Variants in KIF16B observed in about 807,000 individuals in gnomAD.
The protein encoded by KIF16B is kinesin-like protein KIF16B.
Under a neutral mutation model 156.3 loss-of-function variants are expected in KIF16B, and 98 were observed. That is an observed-to-expected ratio of 0.63 (90% confidence interval 0.53 to 0.74). The LOEUF is 0.74. Among genes scored for constraint, KIF16B ranks in the 30% least tolerant of loss-of-function variants. The probability of loss-of-function intolerance (pLI) is 0.00; values close to 1 mark genes in which losing one functional copy is unlikely to be tolerated. For missense variants in KIF16B, 1,421 were observed against 1,606.5 expected (o/e 0.88, Z 1.97); for synonymous variants, 564 against 583.7 (o/e 0.97, Z 0.49).
chr20:16,421,638 A>G (rs1362071426), intron 15 of KIF16B, among the ~76,000 whole-genome samples: 1 of 152,184 alleles, frequency 6.6e-6, no homozygotes, highest in African/African-American at 2.4e-5. Context: ...TTGGTCTTAA[A>G]GTATGTGTAA....
At chr20:16,514,593 A>C (rs1251273772) in intron 4 of KIF16B, among the ~76,000 whole-genome samples, 1 of 149,852 alleles carries the variant, frequency 6.7e-6, no homozygotes, top group East Asian at 1.9e-4. Flanking sequence ...AAAAAAAAAA[A>C]AAAAAAAAAA....
At chr20:16,386,300 C>T (rs1366028601) in intron 17 of KIF16B, among the ~76,000 whole-genome samples, 17 of 151,942 alleles carry the variant, frequency 1.1e-4, no homozygotes, top group Non-Finnish European at 5.9e-5. Flanking sequence ...CTGGAAAGGG[C>T]AGAGGGAAGA....
intron 1 of KIF16B, among the ~76,000 whole-genome samples, chr20:16,534,030 G>A (rs1415349090): frequency 2.0e-5 from 3 of 152,178 alleles, no homozygotes; most frequent in Non-Finnish European, 4.4e-5. Flanking sequence ...GGAGGCTGAG[G>A]TGGGTGGATC....
chr20:16,428,878 G>A (rs974472420), intron 14 of KIF16B, 75 bp downstream of exon 14: 29 of 1,199,660 alleles, frequency 2.4e-5, no homozygotes, highest in Non-Finnish European at 3.6e-5. Context: ...TTCAATGTCA[G>A]TCATTCGAAA....
chr20:16,434,989 T>C (rs1242554352), intron 12 of KIF16B, among the ~76,000 whole-genome samples: 1 of 152,052 alleles, frequency 6.6e-6, no homozygotes, highest in Admixed American at 6.6e-5. Flanking sequence ...AGAAAGACGT[T>C]GAAAAAAAAT....
In KIF16B at chr20:16,530,335, C is replaced by T. The variant is rs529681287; in HGVS notation, c.48-1895G>A. On this transcript the variant is annotated intron_variant, in intron 1 of 25. Coordinates refer to ENST00000354981, the MANE Select transcript of KIF16B (RefSeq NM_024704.5). Reference sequence around the variant, plus strand: ...TTCTAATGACTACAACACAAACACACCCAAGTGATGGTCTGTCACTTCCCA... The same window carrying T: ...TTCTAATGACTACAACACAAACACATCCAAGTGATGGTCTGTCACTTCCCA... Among the ~76,000 whole-genome samples, 164 of 152,276 alleles carry T rather than the reference C, an allele frequency of 1.1e-3. 1 individual carries two copies. The highest frequency in any genetic ancestry group is 2.0e-3 in the Non-Finnish European group (133 of 68,026).
chr20:16,308,568 C>T (rs2063573229), intron 25 of KIF16B, among the ~76,000 whole-genome samples: 1 of 152,158 alleles, frequency 6.6e-6, no homozygotes, highest in South Asian at 2.1e-4. Context: ...CCTTTGTGAC[C>T]CTCTTTCTCC....
At chr20:16,335,340 T>C (rs2064016676) in intron 24 of KIF16B, among the ~76,000 whole-genome samples, 1 of 152,210 alleles carries the variant, frequency 6.6e-6, no homozygotes, top group Non-Finnish European at 1.5e-5. Context: ...GAGAAACCTG[T>C]GTTTGTTCAA....
At chr20:16,403,388 G>A (rs2065704499) in intron 17 of KIF16B, among the ~76,000 whole-genome samples, 1 of 152,182 alleles carries the variant, frequency 6.6e-6, no homozygotes, top group Non-Finnish European at 1.5e-5. Flanking sequence ...AACAAAACGT[G>A]CCTCTGAAGT....
intron 15 of KIF16B, among the ~76,000 whole-genome samples, chr20:16,408,756 C>T (rs1213915656): frequency 6.6e-6 from 1 of 152,116 alleles, no homozygotes; most frequent in African/African-American, 2.4e-5. Context: ...ACTATCATGA[C>T]AATTCAGTGC....
intron 24 of KIF16B, 148 bp from the exon 25 acceptor site, chr20:16,312,566 C>A: frequency 1.6e-6 from 1 of 640,468 alleles, no homozygotes; most frequent in Non-Finnish European, 2.7e-6. Flanking sequence ...TGCTTTATCA[C>A]CAACTGTGTG....
At chr20:16,475,808 C>T (rs182101620) in intron 12 of KIF16B, among the ~76,000 whole-genome samples, 239 of 152,192 alleles carry the variant, frequency 1.6e-3, no homozygotes, top group African/African-American at 5.2e-3. Context: ...TACCTAAGAC[C>T]CAATTTTCAA....
chr20:16,273,411 T>G lies in KIF16B; in HGVS notation c.3796A>C (p.Lys1266Gln), dbSNP rs1239719266. The part of the protein sequence containing the change: ...VIAERRSHLE[K>Q]YLRDFFSVML... ...ACGCTGAAAAAGTCCCTGAGGTATT[T>G]CTGTGGAAGAGACAAGAGTTAAGAA... Residue 1266 changes from lysine to glutamine, a missense_variant and splice_region_variant, in exon 26 of 26, where the codon AAA (lysine) becomes CAA (glutamine). Lys to Gln is a moderately conservative substitution (Grantham distance 53). Transcript: ENST00000354981. 6.2e-7 allele frequency: 1 copy of G among 1,613,980 alleles called. No individual in the cohort carries two copies. Among genetic ancestry groups the G allele is most frequent in the South Asian group, 1.1e-5 (1 of 91,064 alleles).
chr20:16,393,131 T>C (rs1054442690), intron 17 of KIF16B, among the ~76,000 whole-genome samples: 1 of 152,196 alleles, frequency 6.6e-6, no homozygotes, highest in Non-Finnish European at 1.5e-5. Flanking sequence ...CTCTATATAA[T>C]GCATAATTAC....
At chr20:16,537,153 G>C (rs1402815064) in intron 1 of KIF16B, among the ~76,000 whole-genome samples, 3 of 152,096 alleles carry the variant, frequency 2.0e-5, no homozygotes, top group Non-Finnish European at 4.4e-5. Context: ...AGGCTCCCCT[G>C]CTTTAAACTC....
At chr20:16,297,190 G>A (rs2063400202) in intron 25 of KIF16B, among the ~76,000 whole-genome samples, 1 of 152,142 alleles carries the variant, frequency 6.6e-6, no homozygotes, top group African/African-American at 2.4e-5. Flanking sequence ...AGACTTCTCA[G>A]CCTCCAAAAT....
At position 16,439,603 on chromosome 20, in the gene KIF16B, C is replaced by A. The variant is rs187575654; in HGVS notation, c.1303-9621G>T. ...TCTGTTCTATTCGGGACCAAAGACA[C>A]CAATGAGTGAGATTGTATTAGTCCA... On this transcript the variant is annotated intron_variant, in intron 12 of 25. Coordinates refer to ENST00000354981, the MANE Select transcript of KIF16B (RefSeq NM_024704.5). Among the ~76,000 whole-genome samples the A allele has an allele frequency of 1.2e-4, 19 of 152,234 alleles. No individual in the cohort carries two copies. The East Asian group carries it at 3.7e-3, about 29-fold the overall frequency.
At chr20:16,399,281 T>C (rs1433058422) in intron 17 of KIF16B, among the ~76,000 whole-genome samples, 1 of 152,146 alleles carries the variant, frequency 6.6e-6, no homozygotes, top group African/African-American at 2.4e-5. Context: ...AGCACAGGTC[T>C]GGGGTGACAT....
At chr20:16,552,827 A>C (rs1216995241) in intron 1 of KIF16B, among the ~76,000 whole-genome samples, 1 of 152,078 alleles carries the variant, frequency 6.6e-6, no homozygotes, top group Non-Finnish European at 1.5e-5. Context: ...GACAGAGTGC[A>C]GTGGTGTGAT....
Sources: allele counts gnomAD v4.1 joint callset (sites outside exome capture counted in the v4.1 genomes callset), GRCh38; gene constraint gnomAD v4.1.1; transcripts MANE v1.5; gene names NCBI Gene and HGNC (gene_info 2026-07-23, HGNC 2026-07-21).